DNER: variants seen among roughly 807,000 people sequenced by gnomAD.
DNER encodes the protein delta and Notch-like epidermal growth factor-related receptor.
A neutral mutation model predicts 78.2 loss-of-function variants in DNER; 33 were observed. That is an observed-to-expected ratio of 0.42 (90% confidence interval 0.32 to 0.56). DNER has a LOEUF of 0.56. DNER is among the 20% of genes least tolerant of loss of function. DNER has a pLI of 0.11. For synonymous variants in DNER, 417 were observed against 384.8 expected, an observed-to-expected ratio of 1.08 and a Z score of -0.98; for missense variants, 918 against 975.3, an observed-to-expected ratio of 0.94 and a Z score of 0.78.
chr2:229,713,985 G>A (rs1699950984), intron 1 of DNER, among the ~76,000 whole-genome samples, 163 bp downstream of exon 1: 1 of 152,176 alleles, frequency 6.6e-6, no homozygotes, highest in Non-Finnish European at 1.5e-5. Context: ...GTCGGCCCGG[G>A]GGTCCGCGTC....
chr2:229,526,115 T>C (rs1696203838), intron 5 of DNER, among the ~76,000 whole-genome samples: 1 of 152,224 alleles, frequency 6.6e-6, no homozygotes, highest in African/African-American at 2.4e-5. Context: ...CATATCTAAC[T>C]CAAGAGTGGC....
chr2:229,472,149 T>G (rs1343352770), intron 7 of DNER, among the ~76,000 whole-genome samples: 2 of 152,264 alleles, frequency 1.3e-5, no homozygotes, highest in Non-Finnish European at 2.9e-5. Flanking sequence ...AATCTATGTA[T>G]TCCATAATCT....
At chr2:229,631,541 T>A (rs1327516018) in intron 1 of DNER, among the ~76,000 whole-genome samples, 1 of 152,236 alleles carries the variant, frequency 6.6e-6, no homozygotes. Flanking sequence ...AATGGAAGAC[T>A]TCTTACTTTA....
chr2:229,675,970 G>A (rs926595573), intron 1 of DNER, among the ~76,000 whole-genome samples: 2 of 152,174 alleles, frequency 1.3e-5, no homozygotes, highest in Admixed American at 6.5e-5. Flanking sequence ...TCCAGGAGAA[G>A]GAAGCTGCAG....
intron 1 of DNER, among the ~76,000 whole-genome samples, chr2:229,652,934 T>C (rs1311249227): frequency 6.6e-6 from 1 of 152,166 alleles, no homozygotes; most frequent in African/African-American, 2.4e-5. Context: ...AGTATGTTAA[T>C]GAGTGGGGTC....
chr2:229,673,126 C>A (rs1341401491), intron 1 of DNER, among the ~76,000 whole-genome samples: 1 of 152,226 alleles, frequency 6.6e-6, no homozygotes, highest in East Asian at 1.9e-4. Flanking sequence ...TACCTTAAGT[C>A]TGGCTTTCTG....
At chr2:229,564,511 C>T (rs1371942074) in intron 4 of DNER, among the ~76,000 whole-genome samples, 1 of 149,582 alleles carries the variant, frequency 6.7e-6, no homozygotes, top group Non-Finnish European at 1.5e-5. Context: ...CCATCATCAT[C>T]ATCCTCCTTA....
intron 1 of DNER, among the ~76,000 whole-genome samples, chr2:229,658,609 G>C (rs1390895306): frequency 6.6e-6 from 1 of 152,134 alleles, no homozygotes; most frequent in Non-Finnish European, 1.5e-5. Context: ...GTTATTTAAG[G>C]GTACTTGGGG....
rs114735540 is a variant in DNER at position 229,445,108 on chromosome 2, G to A, written c.1486+2208C>T. Among the ~76,000 whole-genome samples the A allele has an allele frequency of 5.3e-3, 807 of 152,274 alleles. 4 individuals are homozygous for A. The highest frequency in any genetic ancestry group is 8.7e-3 in the Non-Finnish European group (589 of 68,016). ...GAGCAGAGCTGGGAACAGCGTGCTC[G>A]TGAGTCAGTACGTGAGTAAGCCTCT... On this transcript the variant is annotated intron_variant, in intron 8 of 12. Transcript: ENST00000341772.
chr2:229,502,831 GT>G (rs1213500692), intron 6 of DNER, among the ~76,000 whole-genome samples: 29 of 152,272 alleles, frequency 1.9e-4, no homozygotes, highest in Admixed American at 1.9e-3. Context: ...GGCAGGGCTG[GT>G]TTACCTGGTT....
intron 1 of DNER, among the ~76,000 whole-genome samples, chr2:229,671,680 G>T (rs1699211690): frequency 6.6e-6 from 1 of 152,170 alleles, no homozygotes; most frequent in African/African-American, 2.4e-5. Flanking sequence ...TATTTCCCAA[G>T]GCTGCTCAGA....
intron 1 of DNER, among the ~76,000 whole-genome samples, chr2:229,697,646 G>A (rs539535191): frequency 6.6e-6 from 1 of 152,252 alleles, no homozygotes; most frequent in East Asian, 1.9e-4. Context: ...CTTCATTGAT[G>A]TTCCTTTCTA....
At chr2:229,405,899 G>A (rs766471172) in intron 10 of DNER, among the ~76,000 whole-genome samples, 11 of 152,008 alleles carry the variant, frequency 7.2e-5, no homozygotes, top group Non-Finnish European at 1.3e-4. Context: ...AAAAAAACCC[G>A]GGATGCTTCC....
At chr2:229,415,838 A>G (rs980890666) in intron 9 of DNER, among the ~76,000 whole-genome samples, 1 of 152,170 alleles carries the variant, frequency 6.6e-6, no homozygotes, top group Admixed American at 6.5e-5. Flanking sequence ...TCTTTACCTC[A>G]TGATAGAGAG....
intron 8 of DNER, among the ~76,000 whole-genome samples, chr2:229,445,771 C>G (rs928688541): frequency 6.6e-6 from 1 of 152,178 alleles, no homozygotes. Flanking sequence ...ATAAATCTCT[C>G]TCTCTCTCCT....
intron 6 of DNER, among the ~76,000 whole-genome samples, chr2:229,489,135 C>T (rs527864706): frequency 8.5e-5 from 13 of 152,338 alleles, no homozygotes; most frequent in Admixed American, 5.9e-4. Flanking sequence ...CTGGGCTTTG[C>T]GGTCAGCCAG....
rs549464690 is a variant in DNER, at chr2:229,492,349, C to T, written c.1148-15096G>A. On this transcript the variant is annotated intron_variant, in intron 6 of 12. Coordinates refer to ENST00000341772, the MANE Select transcript of DNER (RefSeq NM_139072.4). ...CTAGCTTTGTTTTGTTATTCTGAGC[C>T]CCAAGGGGTGCAATGTCTGGTCCTG... Among the ~76,000 whole-genome samples the T allele has an allele frequency of 9.2e-5, 14 of 152,202 alleles. No homozygotes were observed. In the South Asian group the frequency reaches 2.5e-3, roughly 27 times the overall value.
intron 1 of DNER, among the ~76,000 whole-genome samples, chr2:229,657,310 G>A (rs966572207): frequency 6.6e-6 from 1 of 152,080 alleles, no homozygotes; most frequent in African/African-American, 2.4e-5. Context: ...TCACAAAGGG[G>A]AGGATTTCCT....
intron 9 of DNER, among the ~76,000 whole-genome samples, chr2:229,415,219 T>G (rs1183861985): frequency 6.6e-6 from 1 of 152,052 alleles, no homozygotes; most frequent in Non-Finnish European, 1.5e-5. Context: ...GTGGGGTCTC[T>G]GTCATAGTTG....
Sources: allele counts gnomAD v4.1 joint callset (sites outside exome capture counted in the v4.1 genomes callset), GRCh38; gene constraint gnomAD v4.1.1; transcripts MANE v1.5; gene names NCBI Gene and HGNC (gene_info 2026-07-23, HGNC 2026-07-21).